Variants in GABRG1 observed in about 807,000 individuals in gnomAD.
GABRG1 encodes the protein gamma-aminobutyric acid type A receptor subunit gamma1, also known as gamma-aminobutyric acid receptor subunit gamma-1.
Under a neutral mutation model 49.8 loss-of-function variants are expected in GABRG1, and 49 were observed. The ratio of observed to expected loss-of-function variants is 0.98; its 90% CI spans 0.78 to 1.25. The LOEUF is 1.25. Ranked by LOEUF, GABRG1 falls within the 50% of genes most tolerant of loss-of-function variation. GABRG1 has a pLI of 0.00. For missense variants in GABRG1, 552 were observed against 552.3 expected (o/e 1.00, Z 0.01); for synonymous variants, 232 against 185.1 (o/e 1.25, Z -2.06).
In GABRG1 at chr4:46,074,227, T is replaced by C. The variant is rs137982460; in HGVS notation, c.322-8643A>G. ...TTCTACATCTGTGACTGCCCTGTAC[T>C]AAAAATATTTTCTTGATGTCTGAAT... On this transcript the variant is annotated intron_variant, in intron 3 of 8. Transcript: ENST00000295452. Among the ~76,000 whole-genome samples the C allele has an allele frequency of 2.9e-4, 44 of 152,306 alleles. No homozygotes were observed. The East Asian group carries it at 5.2e-3, about 18-fold the overall frequency.
intron 1 of GABRG1, among the ~76,000 whole-genome samples, chr4:46,117,805 T>TAC (rs1322123370): frequency 3.1e-5 from 4 of 130,276 alleles, no homozygotes; most frequent in African/African-American, 9.4e-5. Flanking sequence ...TATACATATG[T>TAC]ATACATGTGT....
At chr4:46,091,086 T>C (rs1432934419) in intron 2 of GABRG1, among the ~76,000 whole-genome samples, 4 of 151,828 alleles carry the variant, frequency 2.6e-5, no homozygotes, top group Non-Finnish European at 4.4e-5. Flanking sequence ...AAACCAAATA[T>C]AAGCAGCTCC....
At chr4:46,064,329 GA>G in intron 5 of GABRG1, 111 bp downstream of exon 5, 1 of 579,760 alleles carries the variant, frequency 1.7e-6, no homozygotes, top group Non-Finnish European at 3.0e-6. Flanking sequence ...TAAAAGAATT[GA>G]ACATAACTCA....
At chr4:46,046,098 G>A (rs183264484) in intron 8 of GABRG1, among the ~76,000 whole-genome samples, 11 of 152,074 alleles carry the variant, frequency 7.2e-5, no homozygotes, top group Non-Finnish European at 1.6e-4. Flanking sequence ...TTCTTTATTT[G>A]TACATTTATG....
chr4:46,041,284 A>C, intron 8 of GABRG1, 30 bp from the exon 9 acceptor site: 1 of 1,601,740 alleles, frequency 6.2e-7, no homozygotes, highest in Non-Finnish European at 8.5e-7. Context: ...AATTTTTGAC[A>C]TCAAAAAAGT....
At chr4:46,116,120 C>T (rs559979794) in intron 1 of GABRG1, among the ~76,000 whole-genome samples, 1 of 150,946 alleles carries the variant, frequency 6.6e-6, no homozygotes, top group African/African-American at 2.4e-5. Context: ...AGCAGGCTAA[C>T]TTTGTTCCTC....
intron 3 of GABRG1, 69 bp downstream of exon 3, chr4:46,083,917 G>C (rs543755451): frequency 3.6e-6 from 3 of 827,840 alleles, no homozygotes; most frequent in African/African-American, 1.8e-5. Flanking sequence ...ACTCACATGC[G>C]AATTCTATTT....
intron 1 of GABRG1, among the ~76,000 whole-genome samples, chr4:46,112,550 C>T (rs73146818): frequency 0.018 from 2,703 of 151,392 alleles, 86 homozygotes; most frequent in African/African-American, 0.062. Flanking sequence ...TTCCATGCAG[C>T]ACTGTTCACA....
intron 1 of GABRG1, among the ~76,000 whole-genome samples, chr4:46,118,939 C>T (rs1721015154): frequency 1.3e-5 from 2 of 151,248 alleles, no homozygotes; most frequent in South Asian, 2.1e-4. Context: ...GAAAATCTTC[C>T]TTCATATAAT....
intron 3 of GABRG1, among the ~76,000 whole-genome samples, chr4:46,074,957 G>T (rs1026310379): frequency 1.3e-5 from 2 of 151,986 alleles, no homozygotes; most frequent in Non-Finnish European, 2.9e-5. Context: ...GGTGCTGACT[G>T]AGTCACTTAT....
At position 46,047,847 on chromosome 4, in the gene GABRG1, A is replaced by AT. The variant is rs538475733; in HGVS notation, c.1131+3576dup. Among the ~76,000 whole-genome samples, 320 of 151,954 alleles carry AT rather than the reference A, an allele frequency of 2.1e-3. 1 individual carries two copies. The highest frequency in any genetic ancestry group is 7.2e-3 in the African/African-American group (298 of 41,486). ...CTTATTATGTTTGTATTTGCGATGC[A>AT]TTTTTTCACAACTGGATGTAATCAT... On this transcript the variant is annotated intron_variant, in intron 8 of 8. Transcript: ENST00000295452.
rs1291453351 is a variant in GABRG1 at position 46,040,955 on chromosome 4, G to T, written c.*33C>A. 4 of 1,583,056 alleles carry T rather than the reference G, an allele frequency of 2.5e-6. No individual in the cohort carries two copies. The African/African-American group carries it at 4.1e-5, about 16-fold the overall frequency. Reference sequence around the variant, plus strand: ...CAAAAGATTCTACTGAATTTAGTCAGACTTCTTTTGATTTTTGCTTATGAA... The same window carrying T: ...CAAAAGATTCTACTGAATTTAGTCATACTTCTTTTGATTTTTGCTTATGAA... On this transcript the variant is annotated 3_prime_UTR_variant, in exon 9 of 9. Coordinates refer to ENST00000295452, the MANE Select transcript of GABRG1 (RefSeq NM_173536.4).
At position 46,084,028 on chromosome 4, in the gene GABRG1, A is replaced by G. The variant is rs1265436977; in HGVS notation, c.279T>C (p.Asp93=). The G allele has an allele frequency of 2.5e-6, 4 of 1,586,036 alleles. No homozygotes were observed. Among genetic ancestry groups the G allele is most frequent in the Non-Finnish European group, 3.4e-6 (4 of 1,160,358 alleles). Residue 93 remains aspartate, a synonymous_variant, in exon 3 of 9, where the codon GAT becomes GAC. Coordinates refer to ENST00000295452, the MANE Select transcript of GABRG1 (RefSeq NM_173536.4). ...CTGGTCCAATGCTGTTTACATAAAC[A>G]TCAGTTTCAATTACTGTGGGCCTCA... The part of the protein sequence containing the change: ...IGVRPTVIET[D]VYVNSIGPVD...
intron 3 of GABRG1, among the ~76,000 whole-genome samples, chr4:46,076,359 GTTCA>G (rs1719324942): frequency 1.4e-5 from 1 of 70,538 alleles, no homozygotes; most frequent in African/African-American, 5.7e-5. Context: ...CTTAGGTCAT[GTTCA>G]TATATATATA....
chr4:46,041,534 A>T (rs1421881818), intron 8 of GABRG1, among the ~76,000 whole-genome samples: 4 of 151,972 alleles, frequency 2.6e-5, no homozygotes, highest in Non-Finnish European at 5.9e-5. Flanking sequence ...TTTACCATGG[A>T]TCTAATTCTA....
rs1428256559 is a variant in GABRG1, at chr4:46,122,374, T to C, written c.104+1436A>G. ...ACTACTGTAAATCTGTTTTTACTTT[T>C]GTAATATTATGATGTATGTGTATAC... On this transcript the variant is annotated intron_variant, in intron 1 of 8. Transcript: ENST00000295452. 5.9e-5 allele frequency among the ~76,000 whole-genome samples: 9 copies of C among 152,268 alleles called. No homozygotes were observed. In the East Asian group the frequency reaches 1.7e-3, roughly 29 times the overall value.
Position 46,040,274 on chromosome 4 carries a change from T to G in GABRG1, c.*714A>C, listed in dbSNP as rs1320008474. The G allele has an allele frequency of 6.6e-6, 1 of 152,034 alleles. No homozygotes were observed. Among genetic ancestry groups the G allele is most frequent in the East Asian group, 1.9e-4 (1 of 5,184 alleles). The allele number at this position is 152,034 out of a possible 1,614,324, so 9.4% of individuals were successfully genotyped here. ...AAATGGTTAGATTTTACCTGATTTT[T>G]TCATCTTGCATTCTTAAAAAATGAC... On this transcript the variant is annotated 3_prime_UTR_variant, in exon 9 of 9. Coordinates refer to ENST00000295452, the MANE Select transcript of GABRG1 (RefSeq NM_173536.4).
chr4:46,051,441 G>T lies in GABRG1; in HGVS notation c.1114C>A (p.Leu372Ile). The change falls in exon 8 of 9, where the codon CTA becomes ATA. Residue 372 changes from leucine to isoleucine, a missense_variant. Transcript: ENST00000295452. ...KGKTATKDRK[L>I]KNKASMTPGL... ...TAACATACCGAGGCTTTATTTTTTA[G>T]CTTTCTGTCTTTAGTAGCAGTCTTT... 6.2e-7 allele frequency: 1 copy of T among 1,604,914 alleles called. No homozygotes were observed. The highest frequency in any genetic ancestry group is 8.5e-7 in the Non-Finnish European group (1 of 1,176,298).
intron 1 of GABRG1, among the ~76,000 whole-genome samples, chr4:46,108,271 T>C (rs1038117726): frequency 6.6e-6 from 1 of 151,012 alleles, no homozygotes; most frequent in African/African-American, 2.4e-5. Flanking sequence ...TCAAGCCAAA[T>C]ATGAAAAAAT....
Sources: allele counts gnomAD v4.1 joint callset (sites outside exome capture counted in the v4.1 genomes callset), GRCh38; gene constraint gnomAD v4.1.1; transcripts MANE v1.5; gene names NCBI Gene and HGNC (gene_info 2026-07-23, HGNC 2026-07-21).